The following ZNF722 variants were observed in gnomAD, a reference collection of about 807,000 sequenced individuals.
The protein encoded by ZNF722 is zinc finger protein 722.
chr7:64,005,551 C>A, the ZNF722 span: 1 of 742,652 alleles, frequency 1.3e-6, no homozygotes, highest in Non-Finnish European at 2.3e-6. Context: ...AAATCTCTGC[C>A]TATGGCCACA....
At chr7:64,002,128 G>A in the ZNF722 span, among the ~76,000 whole-genome samples, 3 of 152,142 alleles carry the variant, frequency 2.0e-5, no homozygotes, top group South Asian at 4.1e-4. Flanking sequence ...TGATCTGCCC[G>A]CCTTGGACTC....
the ZNF722 span, among the ~76,000 whole-genome samples, chr7:64,011,777 T>A: frequency 6.6e-6 from 1 of 152,196 alleles, no homozygotes; most frequent in African/African-American, 2.4e-5. Context: ...CTGTATTTCC[T>A]GAATTTGAAT....
the ZNF722 span, among the ~76,000 whole-genome samples, chr7:64,008,158 G>A: frequency 6.6e-6 from 1 of 152,012 alleles, no homozygotes; most frequent in African/African-American, 2.4e-5. Flanking sequence ...TTGTCAGATG[G>A]GTAGATTGCA....
At chr7:64,002,502 A>G in the ZNF722 span, among the ~76,000 whole-genome samples, 1 of 152,114 alleles carries the variant, frequency 6.6e-6, no homozygotes, top group African/African-American at 2.4e-5. Context: ...TTTTTATGTA[A>G]TTGTATCATT....
the ZNF722 span, among the ~76,000 whole-genome samples, chr7:64,012,456 T>A: frequency 6.6e-6 from 1 of 152,272 alleles, no homozygotes; most frequent in African/African-American, 2.4e-5. Context: ...AGATGGGGTT[T>A]TGGTGTGGTT....
At chr7:64,000,436 C>CTTTTTTTTTTTTGTTTTTTTTTTTTT in the ZNF722 span, among the ~76,000 whole-genome samples, 1 of 23,674 alleles carries the variant, frequency 4.2e-5, no homozygotes, top group African/African-American at 1.9e-4. Context: ...CATGCCCGGC[C>CTTTTTTTTTTTTGTTTTTTTTTTTTT]TTTTTTTTTT....
the ZNF722 span, among the ~76,000 whole-genome samples, chr7:64,017,069 A>G: frequency 6.6e-6 from 1 of 152,200 alleles, no homozygotes; most frequent in South Asian, 2.1e-4. Context: ...ATTTTACTCA[A>G]TATCAGAAAG....
At chr7:64,012,821 G>T in the ZNF722 span, among the ~76,000 whole-genome samples, 5 of 152,240 alleles carry the variant, frequency 3.3e-5, no homozygotes, top group East Asian at 9.7e-4. Flanking sequence ...AGAGCTGTTT[G>T]CATCGTGGAG....
chr7:64,004,425 A>T, the ZNF722 span, among the ~76,000 whole-genome samples: 1,527 of 61,038 alleles, frequency 0.025, 61 homozygotes, highest in South Asian at 0.1. Context: ...AAAAAAAAAA[A>T]ATATATATAT....
chr7:64,005,629 A>G, the ZNF722 span: 1 of 1,223,928 alleles, frequency 8.2e-7, no homozygotes, highest in Non-Finnish European at 1.2e-6. Flanking sequence ...TGACATTCAG[A>G]GACATAGCTA....
At chr7:64,006,243 A>G in the ZNF722 span, 2 of 1,290,758 alleles carry the variant, frequency 1.5e-6, no homozygotes. Context: ...ACTCTAAGCC[A>G]GACTTGATTA....
the ZNF722 span, among the ~76,000 whole-genome samples, chr7:64,008,063 A>G: frequency 2.0e-5 from 3 of 152,128 alleles, no homozygotes; most frequent in Non-Finnish European, 4.4e-5. Flanking sequence ...GTCTGTTCAT[A>G]TCCTTTGCCC....
chr7:63,999,128 C>A, the ZNF722 span: 1 of 1,108,066 alleles, frequency 9.0e-7, no homozygotes, highest in East Asian at 2.5e-5. Flanking sequence ...CCTCCTTGTC[C>A]CAGCTCGGCT....
the ZNF722 span, among the ~76,000 whole-genome samples, chr7:64,003,311 G>T: frequency 6.6e-6 from 1 of 152,034 alleles, no homozygotes; most frequent in African/African-American, 2.4e-5. Flanking sequence ...AATCTTTTCA[G>T]TTATAAACAA....
At chr7:64,005,213 CGATT>C in the ZNF722 span, among the ~76,000 whole-genome samples, 99 of 151,998 alleles carry the variant, frequency 6.5e-4, 2 homozygotes, top group African/African-American at 2.3e-3. Context: ...GCAGGAGAAT[CGATT>C]GAACCCGGGA....
the ZNF722 span, among the ~76,000 whole-genome samples, chr7:64,003,299 T>TA: frequency 6.6e-6 from 1 of 152,156 alleles, no homozygotes; most frequent in East Asian, 1.9e-4. Context: ...TCATTGCTCT[T>TA]AAATCTTTTC....
chr7:63,999,040 G>A, the ZNF722 span: 9 of 1,562,966 alleles, frequency 5.8e-6, no homozygotes, highest in African/African-American at 8.1e-5. Context: ...GGCGGGAGAC[G>A]GTTGGAACCG....
At chr7:63,999,027 A>G in the ZNF722 span, 1 of 1,571,712 alleles carries the variant, frequency 6.4e-7, no homozygotes, top group African/African-American at 1.4e-5. Context: ...TCATCGTGAG[A>G]GGGGCGGGAG....
At chr7:64,004,234 C>G in the ZNF722 span, among the ~76,000 whole-genome samples, 1 of 147,074 alleles carries the variant, frequency 6.8e-6, no homozygotes, top group African/African-American at 2.5e-5. Context: ...AACCCCGTCT[C>G]TACGGAAAAA....
Sources: allele counts gnomAD v4.1 joint callset (sites outside exome capture counted in the v4.1 genomes callset), GRCh38; gene constraint gnomAD v4.1.1; transcripts MANE v1.5; gene names NCBI Gene and HGNC (gene_info 2026-07-23, HGNC 2026-07-21).